FRMD3: variants seen among roughly 807,000 people sequenced by gnomAD.
FRMD3 encodes the protein FERM domain-containing protein 3.
Under a neutral mutation model 70.2 loss-of-function variants are expected in FRMD3, and 33 were observed. The ratio of observed to expected loss-of-function variants is 0.47; its 90% CI spans 0.36 to 0.63. The LOEUF is 0.63. Ranked by LOEUF, FRMD3 falls within the 20% of genes least tolerant of loss-of-function variation. The probability of loss-of-function intolerance (pLI) is 0.00; values close to 1 mark genes in which losing one functional copy is unlikely to be tolerated. For synonymous variants in FRMD3, 279 were observed against 255.9 expected (o/e 1.09, Z -0.86); for missense variants, 632 against 711.4 (o/e 0.89, Z 1.27).
At chr9:83,324,363 G>A (rs1835927726) in intron 6 of FRMD3, among the ~76,000 whole-genome samples, 1 of 152,152 alleles carries the variant, frequency 6.6e-6, no homozygotes, top group South Asian at 2.1e-4. Flanking sequence ...GAGGTGGTCT[G>A]GGAGGGGCAC....
chr9:83,433,275 T>C (rs1827034832), intron 1 of FRMD3, among the ~76,000 whole-genome samples: 1 of 152,212 alleles, frequency 6.6e-6, no homozygotes, highest in Non-Finnish European at 1.5e-5. Context: ...ATAAAGAACA[T>C]TGGTGGAAGT....
chr9:83,550,266 C>T, the FRMD3 span, among the ~76,000 whole-genome samples: 2 of 151,994 alleles, frequency 1.3e-5, no homozygotes, highest in Admixed American at 6.6e-5. Flanking sequence ...AGATGTGTGG[C>T]CTTATTTCTG....
intron 10 of FRMD3, among the ~76,000 whole-genome samples, chr9:83,309,259 TACAC>T (rs3029557): frequency 0.15 from 20,830 of 138,114 alleles, 1,672 homozygotes; most frequent in East Asian, 0.26. Context: ...CTATTTGAAA[TACAC>T]ACACACACAC....
At chr9:83,253,163 A>C (rs533585191) in intron 13 of FRMD3, among the ~76,000 whole-genome samples, 1 of 152,370 alleles carries the variant, frequency 6.6e-6, no homozygotes, top group Non-Finnish European at 1.5e-5. Flanking sequence ...CTGAAATCGT[A>C]ACAGTCTGTC....
chr9:83,335,438 G>T (rs945932027), intron 6 of FRMD3, 78 bp downstream of exon 6: 1 of 1,415,404 alleles, frequency 7.1e-7, no homozygotes, highest in Non-Finnish European at 9.8e-7. Context: ...CCTCCTTCAC[G>T]ATGTGATTTC....
intron 2 of FRMD3, among the ~76,000 whole-genome samples, chr9:83,376,897 G>T (rs1825164232): frequency 6.6e-6 from 1 of 152,146 alleles, no homozygotes; most frequent in Admixed American, 6.5e-5. Flanking sequence ...CAATGAGCAT[G>T]GTAGTGTGTC....
At chr9:83,542,092 G>A (rs527953293), upstream of FRMD3, among the ~76,000 whole-genome samples, 5 of 152,170 alleles carry the variant, frequency 3.3e-5, no homozygotes, top group African/African-American at 1.2e-4. Context: ...AGGAAAGGTG[G>A]CTCCACTTGA....
intron 13 of FRMD3, among the ~76,000 whole-genome samples, chr9:83,283,480 GAGAT>G (rs1834052766): frequency 6.7e-6 from 1 of 149,806 alleles, no homozygotes; most frequent in Non-Finnish European, 1.5e-5. Flanking sequence ...GCAGTGAGCC[GAGAT>G]CGCACCACTA....
At chr9:83,250,428 T>A (rs568552885) in intron 13 of FRMD3, among the ~76,000 whole-genome samples, 18 of 152,184 alleles carry the variant, frequency 1.2e-4, no homozygotes, top group African/African-American at 2.6e-4. Flanking sequence ...GGCCCCAGGA[T>A]CCCTGGCAAG....
At chr9:83,360,632 T>C (rs1824551881) in intron 3 of FRMD3, among the ~76,000 whole-genome samples, 1 of 152,182 alleles carries the variant, frequency 6.6e-6, no homozygotes, top group African/African-American at 2.4e-5. Flanking sequence ...CTATTCCTTC[T>C]GCTTCCTCCA....
intron 1 of FRMD3, among the ~76,000 whole-genome samples, chr9:83,530,104 A>G (rs1421709880): frequency 6.6e-6 from 1 of 152,244 alleles, no homozygotes; most frequent in East Asian, 1.9e-4. Flanking sequence ...TTAAACACAG[A>G]GTTACCATAT....
chr9:83,335,083 T>C (rs925246684), intron 6 of FRMD3, among the ~76,000 whole-genome samples: 1 of 152,206 alleles, frequency 6.6e-6, no homozygotes, highest in Admixed American at 6.5e-5. Context: ...AAATCTGTCA[T>C]CTTGAAAGTA....
In FRMD3 at chr9:83,343,171, G is replaced by A; in HGVS notation, c.472+19C>T. On this transcript the variant is annotated intron_variant, in intron 5 of 13. Transcript: ENST00000304195. ...TCCACAGTGCAAAGGTGGCGTGGGT[G>A]AGCTGTGGCCAGACTTACCTTGAAC... 1 of 1,556,908 alleles carries A rather than the reference G, an allele frequency of 6.4e-7. No individual in the cohort carries two copies. The highest frequency in any genetic ancestry group is 8.9e-7 in the Non-Finnish European group (1 of 1,127,800).
intron 1 of FRMD3, among the ~76,000 whole-genome samples, chr9:83,536,672 C>T (rs907501214): frequency 6.6e-6 from 1 of 152,108 alleles, no homozygotes; most frequent in Non-Finnish European, 1.5e-5. Flanking sequence ...CCAGAAAATT[C>T]AATGGGAGCC....
At chr9:83,529,987 A>G (rs996120971) in intron 1 of FRMD3, among the ~76,000 whole-genome samples, 1 of 152,202 alleles carries the variant, frequency 6.6e-6, no homozygotes, top group African/African-American at 2.4e-5. Flanking sequence ...ATAGATAATA[A>G]CAAGTATTGG....
At chr9:83,433,974 A>T in intron 1 of FRMD3, among the ~76,000 whole-genome samples, 1 of 152,210 alleles carries the variant, frequency 6.6e-6, no homozygotes, top group East Asian at 1.9e-4. Flanking sequence ...TTGTGTCAAA[A>T]GTCACCATCT....
In FRMD3 at chr9:83,382,226, C is replaced by G. The variant is rs78258439; in HGVS notation, c.252+7378G>C. 5.5e-3 allele frequency among the ~76,000 whole-genome samples: 836 copies of G among 152,014 alleles called. 19 individuals carry two copies. The East Asian group carries it at 0.068, about 12-fold the overall frequency. ...TTAACAACATTGCCACCAAATTGTTCTAAAGTCAAAGATCAGCTAGCCTCT... is the reference window on the plus strand; with the variant it reads ...TTAACAACATTGCCACCAAATTGTTGTAAAGTCAAAGATCAGCTAGCCTCT... On this transcript the variant is annotated intron_variant, in intron 2 of 13. Transcript: ENST00000304195.
At chr9:83,418,493 G>A (rs1826522712) in intron 1 of FRMD3, among the ~76,000 whole-genome samples, 1 of 151,962 alleles carries the variant, frequency 6.6e-6, no homozygotes, top group South Asian at 2.1e-4. Flanking sequence ...TTCAAAAGAA[G>A]ATATGCAAAC....
At chr9:83,436,795 A>C (rs980290613) in intron 1 of FRMD3, among the ~76,000 whole-genome samples, 14 of 151,804 alleles carry the variant, frequency 9.2e-5, no homozygotes, top group East Asian at 1.9e-4. Flanking sequence ...AAAAAAAAAA[A>C]AAAAAACAAG....
Sources: allele counts gnomAD v4.1 joint callset (sites outside exome capture counted in the v4.1 genomes callset), GRCh38; gene constraint gnomAD v4.1.1; transcripts MANE v1.5; gene names NCBI Gene and HGNC (gene_info 2026-07-23, HGNC 2026-07-21).